The following PPP2R3A variants were observed in gnomAD, a reference collection of about 807,000 sequenced individuals.
PPP2R3A encodes the protein serine/threonine-protein phosphatase 2A regulatory subunit B'' subunit alpha.
In PPP2R3A, 80 loss-of-function variants were observed where a neutral mutation model predicts 106.9. That is an observed-to-expected ratio of 0.75 (90% CI 0.62 to 0.90). The LOEUF (loss-of-function observed/expected upper bound fraction) is 0.90, where lower values mean the gene tolerates loss of function less well. Among genes scored for constraint, PPP2R3A ranks in the 40% least tolerant of loss-of-function variants. PPP2R3A has a pLI of 0.00. For missense variants in PPP2R3A, 1,386 were observed against 1,350.4 expected, an observed-to-expected ratio of 1.03 and a Z score of -0.41; for synonymous variants, 483 against 468.3, an observed-to-expected ratio of 1.03 and a Z score of -0.41.
At chr3:135,989,313 A>G (rs1933060162) in intron 1 of PPP2R3A, among the ~76,000 whole-genome samples, 1 of 152,124 alleles carries the variant, frequency 6.6e-6, no homozygotes, top group African/African-American at 2.4e-5. Flanking sequence ...CTATTAGAGC[A>G]TAGTTTGGGA....
At chr3:136,061,416 T>G (rs1330921817) in intron 5 of PPP2R3A, among the ~76,000 whole-genome samples, 3 of 150,218 alleles carry the variant, frequency 2.0e-5, no homozygotes. Flanking sequence ...TCACTTGAGG[T>G]CAGGAGTTTG....
chr3:136,114,681 G>C (rs1937672287), intron 13 of PPP2R3A, among the ~76,000 whole-genome samples: 1 of 152,168 alleles, frequency 6.6e-6, no homozygotes, highest in African/African-American at 2.4e-5. Flanking sequence ...GTTTGAAGTG[G>C]GAGCGCACCG....
In PPP2R3A at chr3:136,108,212, G is replaced by GACACACACACACACACACACACAC. The variant is rs375655120; in HGVS notation, c.3329+1905_3329+1906insCACACACACACACACACACACACA. 3.2e-3 allele frequency among the ~76,000 whole-genome samples: 487 copies of GACACACACACACACACACACACAC among 151,474 alleles called. 2 individuals are homozygous for GACACACACACACACACACACACAC. Among genetic ancestry groups the GACACACACACACACACACACACAC allele is most frequent in the African/African-American group, 0.011 (472 of 41,246 alleles). On this transcript the variant is annotated intron_variant, in intron 13 of 13. Transcript: ENST00000264977. The stretch of plus-strand genomic sequence containing the variant: ...TGGCCTGCAGAGCTAGCTAGACCCT[G>GACACACACACACACACACACACAC]ACACACACACACACAGCAAGTGTGG...
chr3:136,037,819 G>GT (rs772512774), intron 3 of PPP2R3A, among the ~76,000 whole-genome samples: 8 of 152,030 alleles, frequency 5.3e-5, no homozygotes, highest in Non-Finnish European at 1.2e-4. Flanking sequence ...TGTTGATCAA[G>GT]TTTTCTTTGC....
intron 4 of PPP2R3A, 152 bp downstream of exon 4, chr3:136,041,114 A>G (rs147668045): frequency 1.3e-5 from 7 of 555,914 alleles, no homozygotes; most frequent in African/African-American, 9.7e-5. Flanking sequence ...AACCATTTAT[A>G]CTCACATACA....
At chr3:136,118,081 A>G (rs924619850) in intron 13 of PPP2R3A, among the ~76,000 whole-genome samples, 4 of 152,174 alleles carry the variant, frequency 2.6e-5, no homozygotes, top group Non-Finnish European at 5.9e-5. Flanking sequence ...CATATGCAAA[A>G]CAGTAAATGT....
At chr3:136,086,445 G>A (rs146764565) in intron 8 of PPP2R3A, among the ~76,000 whole-genome samples, 57 of 152,090 alleles carry the variant, frequency 3.7e-4, no homozygotes, top group African/African-American at 1.3e-3. Context: ...TCACACCACT[G>A]TACTCCAGCC....
At chr3:136,018,876 T>C (rs1204966348) in intron 2 of PPP2R3A, among the ~76,000 whole-genome samples, 1 of 152,194 alleles carries the variant, frequency 6.6e-6, no homozygotes, top group East Asian at 1.9e-4. Flanking sequence ...AGAAAGACTG[T>C]CTCCCTTGCC....
At position 136,067,017 on chromosome 3, in the gene PPP2R3A, A is replaced by C. The variant is rs1260186447; in HGVS notation, c.2470-3461A>C. ...AATGGGAAAACACTAGAGGCACTTC[A>C]ACAAAGATCAGGAACAAGGCAAGGA... On this transcript the variant is annotated intron_variant, in intron 5 of 13. Transcript: ENST00000264977. Among the ~76,000 whole-genome samples the C allele has an allele frequency of 2.0e-5, 3 of 152,220 alleles. No individual in the cohort carries two copies. In the East Asian group the frequency reaches 5.8e-4, roughly 29 times the overall value.
In PPP2R3A at chr3:136,042,408, A is replaced by G. The variant is rs1353588472; in HGVS notation, c.2366+1446A>G. ...GCATATTGGGCTTAATACCTAGGTG[A>G]TGGGTTGATAGGTGCAGCACACCGC... On this transcript the variant is annotated intron_variant, in intron 4 of 13. Coordinates refer to ENST00000264977, the MANE Select transcript of PPP2R3A (RefSeq NM_002718.5). Among the ~76,000 whole-genome samples the G allele has an allele frequency of 2.6e-5, 4 of 152,160 alleles. No homozygotes were observed. The East Asian group carries it at 7.7e-4, about 29-fold the overall frequency.
chr3:136,009,160 C>T (rs1933956439), intron 2 of PPP2R3A, among the ~76,000 whole-genome samples: 2 of 152,158 alleles, frequency 1.3e-5, no homozygotes, highest in Admixed American at 6.5e-5. Flanking sequence ...TTAAACTCGT[C>T]TCTTCCTAAG....
At chr3:136,102,264 T>C in intron 11 of PPP2R3A, 82 bp downstream of exon 11, 1 of 1,460,604 alleles carries the variant, frequency 6.8e-7, no homozygotes, top group Non-Finnish European at 9.3e-7. Flanking sequence ...CCTAAATTAT[T>C]TAACATTTCA....
intron 2 of PPP2R3A, among the ~76,000 whole-genome samples, chr3:136,010,406 A>C (rs1576431662): frequency 1.5e-5 from 2 of 130,862 alleles, no homozygotes; most frequent in Admixed American, 8.3e-5. Flanking sequence ...GCATGCCATC[A>C]CGCTCGGCTA....
At chr3:136,128,086 T>C (rs528137742) in intron 13 of PPP2R3A, among the ~76,000 whole-genome samples, 2 of 152,274 alleles carry the variant, frequency 1.3e-5, no homozygotes, top group South Asian at 4.1e-4. Flanking sequence ...CCATCGATGC[T>C]ATGAAGAAAC....
rs1277932100 is a variant in PPP2R3A at position 136,145,930 on chromosome 3, C to T, written c.*764C>T. 6.6e-6 allele frequency: 1 copy of T among 152,172 alleles called. No homozygotes were observed. The highest frequency in any genetic ancestry group is 1.5e-5 in the Non-Finnish European group (1 of 68,026). The allele number at this position is 152,172 out of a possible 1,614,324, so 9.4% of individuals were successfully genotyped here. A position where few individuals can be genotyped will look rare whatever the true frequency, so the allele number is the denominator to read the frequency against. On this transcript the variant is annotated 3_prime_UTR_variant, in exon 14 of 14. Transcript: ENST00000264977. Reference sequence around the variant, plus strand: ...TAACTTTTATCTTTTATTCATTGAACTATTGAATGATGTATTTAATATCCA... The same window carrying T: ...TAACTTTTATCTTTTATTCATTGAATTATTGAATGATGTATTTAATATCCA...
intron 3 of PPP2R3A, among the ~76,000 whole-genome samples, chr3:136,028,107 A>C (rs1467930265): frequency 6.6e-6 from 1 of 152,162 alleles, no homozygotes; most frequent in African/African-American, 2.4e-5. Flanking sequence ...TCTCATAGGC[A>C]CACCTCTGCA....
intron 5 of PPP2R3A, among the ~76,000 whole-genome samples, chr3:136,060,306 T>A (rs956914935): frequency 1.3e-5 from 2 of 152,186 alleles, no homozygotes; most frequent in African/African-American, 4.8e-5. Flanking sequence ...TATGTAAATC[T>A]AAAAATGGTA....
chr3:135,995,006 T>C (rs944801991), intron 1 of PPP2R3A, among the ~76,000 whole-genome samples: 2 of 152,208 alleles, frequency 1.3e-5, no homozygotes, highest in Non-Finnish European at 2.9e-5. Flanking sequence ...AAGTATGTGT[T>C]AGAGTAATCG....
intron 5 of PPP2R3A, among the ~76,000 whole-genome samples, chr3:136,054,392 G>A (rs1206809812): frequency 3.3e-5 from 5 of 151,624 alleles, no homozygotes; most frequent in Admixed American, 6.6e-5. Context: ...CCAGGTAGCT[G>A]GGATTACAGG....
Sources: gnomAD v4.1 joint callset for allele counts (sites outside exome capture counted in the v4.1 genomes callset) on GRCh38, gnomAD v4.1.1 for gene constraint, MANE v1.5 for transcripts, NCBI Gene and HGNC (gene_info 2026-07-23, HGNC 2026-07-21) for gene names.